Variants in RIC1 observed in about 807,000 individuals in gnomAD.
RIC1 encodes RIC1 partner of RAB6A GEF complex, also known as guanine nucleotide exchange factor subunit RIC1.
RIC1 carries 88 observed loss-of-function variants against 169.0 expected under a neutral mutation model. The observed-to-expected ratio is 0.52, with a 90% CI of 0.44 to 0.62. The LOEUF is 0.62. Ranked by LOEUF, RIC1 falls within the 20% of genes least tolerant of loss-of-function variation. The probability of loss-of-function intolerance (pLI) is 0.00; values close to 1 mark genes in which losing one functional copy is unlikely to be tolerated. For missense variants in RIC1, 1,877 were observed against 1,725.5 expected, an observed-to-expected ratio of 1.09 and a Z score of -1.56; for synonymous variants, 790 against 601.5, an observed-to-expected ratio of 1.31 and a Z score of -4.59.
chr9:5,686,429 A>G (rs1400486342), intron 2 of RIC1, among the ~76,000 whole-genome samples: 1 of 152,144 alleles, frequency 6.6e-6, no homozygotes, highest in Non-Finnish European at 1.5e-5. Context: ...CATATACACC[A>G]TGGAATAGTA....
chr9:5,733,767 C>CT (rs1360705412), intron 7 of RIC1, among the ~76,000 whole-genome samples: 1 of 151,610 alleles, frequency 6.6e-6, no homozygotes, highest in Non-Finnish European at 1.5e-5. Flanking sequence ...GGATTGGATT[C>CT]AGTCATATTT....
At chr9:5,730,090 A>C (rs1824269280) in intron 6 of RIC1, among the ~76,000 whole-genome samples, 1 of 152,204 alleles carries the variant, frequency 6.6e-6, no homozygotes, top group Admixed American at 6.5e-5. Flanking sequence ...GTATAGATAG[A>C]AAATACAAAT....
intron 6 of RIC1, among the ~76,000 whole-genome samples, chr9:5,731,849 T>C (rs974356340): frequency 2.0e-5 from 3 of 152,020 alleles, no homozygotes; most frequent in Non-Finnish European, 4.4e-5. Flanking sequence ...TTTTGAGGAG[T>C]GAAAGCAGTC....
intron 2 of RIC1, among the ~76,000 whole-genome samples, chr9:5,681,960 A>G (rs1820871865): frequency 6.6e-6 from 1 of 152,232 alleles, no homozygotes; most frequent in South Asian, 2.1e-4. Flanking sequence ...AGTCTGTTTT[A>G]TCCGAGAGTA....
intron 3 of RIC1, among the ~76,000 whole-genome samples, chr9:5,706,060 A>G (rs912937848): frequency 6.6e-6 from 1 of 152,048 alleles, no homozygotes; most frequent in African/African-American, 2.4e-5. Flanking sequence ...TATTTTGTTC[A>G]GGATTTTTTT....
At chr9:5,678,962 G>A (rs1434944486) in intron 2 of RIC1, among the ~76,000 whole-genome samples, 1 of 150,918 alleles carries the variant, frequency 6.6e-6, no homozygotes, top group Non-Finnish European at 1.5e-5. Context: ...TTCTTCTAGG[G>A]TTTTTATGGT....
intron 6 of RIC1, among the ~76,000 whole-genome samples, chr9:5,729,584 C>G (rs1563932314): frequency 6.6e-6 from 1 of 152,054 alleles, no homozygotes; most frequent in African/African-American, 2.4e-5. Context: ...AAACTCTTTT[C>G]TCTTCTAGAA....
Position 5,699,574 on chromosome 9 carries a change from A to G in RIC1, c.332+9536A>G, listed in dbSNP as rs189852233. Among the ~76,000 whole-genome samples the G allele has an allele frequency of 9.4e-4, 143 of 152,060 alleles. 1 individual carries two copies. The highest frequency in any genetic ancestry group is 3.3e-3 in the African/African-American group (137 of 41,450). ...AAAGCAACATTTTATAAAACTTTCT[A>G]GAGAGACAAATTCCACACAAGTGGT... On this transcript the variant is annotated intron_variant, in intron 3 of 25. Coordinates refer to ENST00000414202, the MANE Select transcript of RIC1 (RefSeq NM_020829.4).
At chr9:5,736,826 AC>A (rs1374948566) in intron 7 of RIC1, among the ~76,000 whole-genome samples, 1 of 152,152 alleles carries the variant, frequency 6.6e-6, no homozygotes, top group East Asian at 1.9e-4. Flanking sequence ...AAAAAAGAAA[AC>A]AAAAACAGAG....
chr9:5,777,306 GTT>G (rs576281540), downstream of RIC1, among the ~76,000 whole-genome samples: 2 of 143,180 alleles, frequency 1.4e-5, no homozygotes, highest in Non-Finnish European at 3.1e-5. Flanking sequence ...CAATATTCAA[GTT>G]TTTTTTTTTA....
rs900944067 is a variant in RIC1, at chr9:5,685,026, GT to G, written c.253-4923del. ...TGGATAAACCTCATTTGGTTGTGAT[GT>G]TTTTTTTTTATAAGGTTGAATTTAA... On this transcript the variant is annotated intron_variant, in intron 2 of 25. Coordinates refer to ENST00000414202, the MANE Select transcript of RIC1 (RefSeq NM_020829.4). 3.2e-3 allele frequency among the ~76,000 whole-genome samples: 468 copies of G among 146,464 alleles called. 1 individual carries two copies. The highest frequency in any genetic ancestry group is 0.011 in the African/African-American group (425 of 39,680).
At chr9:5,637,620 C>A (rs779178819) in intron 1 of RIC1, among the ~76,000 whole-genome samples, 5 of 152,176 alleles carry the variant, frequency 3.3e-5, no homozygotes, top group Non-Finnish European at 7.3e-5. Flanking sequence ...AGTTACCTTT[C>A]TCAGCCTCTG....
intron 16 of RIC1, among the ~76,000 whole-genome samples, chr9:5,756,904 T>G (rs1408677630): frequency 6.6e-6 from 1 of 152,204 alleles, no homozygotes; most frequent in Non-Finnish European, 1.5e-5. Context: ...GAGTTTTATT[T>G]TTGTTCTCAG....
chr9:5,638,141 A>T (rs113942125), intron 1 of RIC1, among the ~76,000 whole-genome samples: 1 of 152,208 alleles, frequency 6.6e-6, no homozygotes, highest in Non-Finnish European at 1.5e-5. Flanking sequence ...GATATGATGT[A>T]TCACATTGAT....
chr9:5,773,937 A>C, intron 25 of RIC1, 21 bp from the exon 26 acceptor site: 1 of 1,541,506 alleles, frequency 6.5e-7, no homozygotes, highest in Non-Finnish European at 8.7e-7. Flanking sequence ...AGATGAGCTA[A>C]TGTTTTTTTT....
intron 12 of RIC1, 92 bp from the exon 13 acceptor site, chr9:5,753,108 C>G: frequency 8.7e-7 from 1 of 1,153,892 alleles, no homozygotes; most frequent in Non-Finnish European, 1.3e-6. Context: ...AAACATTGTT[C>G]GGCAAGATGA....
At chr9:5,700,738 C>CT (rs1173692469) in intron 3 of RIC1, among the ~76,000 whole-genome samples, 23 of 152,170 alleles carry the variant, frequency 1.5e-4, no homozygotes, top group Admixed American at 1.4e-3. Context: ...CAAGTGCACA[C>CT]TAAAAACAAA....
At chr9:5,724,520 C>G (rs756061896) in intron 6 of RIC1, among the ~76,000 whole-genome samples, 1 of 152,188 alleles carries the variant, frequency 6.6e-6, no homozygotes, top group African/African-American at 2.4e-5. Context: ...GACAATTTGA[C>G]TTCCTCTTTT....
intron 15 of RIC1, among the ~76,000 whole-genome samples, chr9:5,755,514 A>G (rs979822144): frequency 2.6e-5 from 4 of 152,228 alleles, no homozygotes; most frequent in Admixed American, 1.3e-4. Flanking sequence ...TTTTCAGACC[A>G]TGGTTGACTG....
Sources: gnomAD v4.1 joint callset for allele counts (sites outside exome capture counted in the v4.1 genomes callset) on GRCh38, gnomAD v4.1.1 for gene constraint, MANE v1.5 for transcripts, NCBI Gene and HGNC (gene_info 2026-07-23, HGNC 2026-07-21) for gene names.